The following TAFA1 variants were observed in gnomAD, a reference collection of about 807,000 sequenced individuals.
TAFA1 encodes chemokine-like protein TAFA-1.
TAFA1 carries 4 observed loss-of-function variants against 18.5 expected under a neutral mutation model. The ratio of observed to expected loss-of-function variants is 0.22; its 90% CI spans 0.11 to 0.49. The LOEUF (loss-of-function observed/expected upper bound fraction) is 0.49. TAFA1 is among the 20% of genes least tolerant of loss of function. The pLI, the probability that TAFA1 is intolerant of heterozygous loss-of-function variation, is 0.98. For missense variants in TAFA1, 147 were observed against 169.0 expected (o/e 0.87, Z 0.72); for synonymous variants, 56 against 55.2 (o/e 1.01, Z -0.06).
At chr3:68,213,993 A>G (rs1164321516) in intron 2 of TAFA1, among the ~76,000 whole-genome samples, 2 of 152,122 alleles carry the variant, frequency 1.3e-5, no homozygotes, top group Non-Finnish European at 2.9e-5. Flanking sequence ...AGTAGGCAAT[A>G]TGGTTCCCAA....
intron 2 of TAFA1, among the ~76,000 whole-genome samples, chr3:68,306,927 T>C (rs1251654851): frequency 6.6e-6 from 1 of 152,180 alleles, no homozygotes; most frequent in Non-Finnish European, 1.5e-5. Flanking sequence ...CTATAAACTT[T>C]TACTAAAATT....
intron 2 of TAFA1, among the ~76,000 whole-genome samples, chr3:68,015,407 C>A (rs1328069479): frequency 6.6e-6 from 1 of 152,082 alleles, no homozygotes; most frequent in Admixed American, 6.5e-5. Context: ...CTGCCTTAGC[C>A]TCCTGAGTAG....
chr3:67,998,110 C>A, the TAFA1 span, among the ~76,000 whole-genome samples: 1 of 150,952 alleles, frequency 6.6e-6, no homozygotes, highest in Non-Finnish European at 1.5e-5. Context: ...ACAACAGCAC[C>A]AAATAGGCAT....
chr3:68,248,749 C>T (rs1240966062), intron 2 of TAFA1, among the ~76,000 whole-genome samples: 2 of 1,132 alleles, frequency 1.8e-3, no homozygotes, highest in East Asian at 0.033. Flanking sequence ...GGGGCGGGGG[C>T]TGGGGGTGGG....
the TAFA1 span, among the ~76,000 whole-genome samples, chr3:67,993,179 G>C: frequency 6.6e-6 from 1 of 152,238 alleles, no homozygotes; most frequent in Admixed American, 6.5e-5. Context: ...TAGTAGGCTT[G>C]ATACTTCATA....
At chr3:68,305,447 A>C (rs1177092828) in intron 2 of TAFA1, among the ~76,000 whole-genome samples, 1 of 117,274 alleles carries the variant, frequency 8.5e-6, no homozygotes, top group East Asian at 2.5e-4. Flanking sequence ...ATATATATAT[A>C]TATATATATA....
At chr3:68,346,473 T>C (rs1398147539) in intron 2 of TAFA1, among the ~76,000 whole-genome samples, 1 of 152,194 alleles carries the variant, frequency 6.6e-6, no homozygotes, top group Non-Finnish European at 1.5e-5. Context: ...GATGTGCTTA[T>C]CTGGCATTTT....
intron 2 of TAFA1, among the ~76,000 whole-genome samples, chr3:68,260,038 A>G (rs2067382436): frequency 6.6e-6 from 1 of 152,148 alleles, no homozygotes; most frequent in Non-Finnish European, 1.5e-5. Flanking sequence ...GAATGCTTCC[A>G]GTTTTTGCCC....
At chr3:67,999,552 C>A (rs1704261747), upstream of TAFA1, among the ~76,000 whole-genome samples, 1 of 151,906 alleles carries the variant, frequency 6.6e-6, no homozygotes, top group African/African-American at 2.4e-5. Flanking sequence ...CATCTGTAGA[C>A]TTTTTTTATT....
intron 2 of TAFA1, among the ~76,000 whole-genome samples, chr3:68,155,239 T>C (rs994110075): frequency 6.6e-6 from 1 of 152,164 alleles, no homozygotes; most frequent in Non-Finnish European, 1.5e-5. Flanking sequence ...TACATCACTC[T>C]GCAGTGCCTG....
chr3:68,276,225 G>A (rs930528175), intron 2 of TAFA1, among the ~76,000 whole-genome samples: 4 of 151,542 alleles, frequency 2.6e-5, no homozygotes, highest in African/African-American at 7.3e-5. Context: ...TAAATAACAA[G>A]AAAAGAAAAA....
chr3:68,033,687 T>C (rs572580158), intron 2 of TAFA1, among the ~76,000 whole-genome samples: 3 of 152,204 alleles, frequency 2.0e-5, no homozygotes, highest in Non-Finnish European at 2.9e-5. Context: ...AATTAGCATA[T>C]GAAGTATTTT....
intron 2 of TAFA1, among the ~76,000 whole-genome samples, chr3:68,072,246 C>A (rs562422541): frequency 6.6e-6 from 1 of 152,126 alleles, no homozygotes. Context: ...GTGGCCTCTG[C>A]GGCAGAGCAG....
At chr3:68,482,738 A>G (rs778925835) in intron 3 of TAFA1, among the ~76,000 whole-genome samples, 1 of 152,186 alleles carries the variant, frequency 6.6e-6, no homozygotes, top group Non-Finnish European at 1.5e-5. Flanking sequence ...AATTTAAACA[A>G]CACATTCTTG....
intron 3 of TAFA1, among the ~76,000 whole-genome samples, chr3:68,429,286 C>G (rs1423559890): frequency 1.3e-5 from 2 of 151,952 alleles, no homozygotes; most frequent in African/African-American, 4.8e-5. Context: ...TTTGTAGTTA[C>G]TGAGTTCTTA....
intron 2 of TAFA1, among the ~76,000 whole-genome samples, chr3:68,247,160 T>A (rs1007079385): frequency 3.9e-5 from 6 of 152,242 alleles, no homozygotes; most frequent in African/African-American, 1.2e-4. Flanking sequence ...AAGATGAGTG[T>A]GATTAGAAAC....
chr3:68,034,789 T>TC (rs1705010637), intron 2 of TAFA1, among the ~76,000 whole-genome samples: 1 of 152,164 alleles, frequency 6.6e-6, no homozygotes, highest in Non-Finnish European at 1.5e-5. Flanking sequence ...GGACAGGAAT[T>TC]CTGAGATGAA....
chr3:68,176,100 A>G (rs1162229175), intron 2 of TAFA1, among the ~76,000 whole-genome samples: 2 of 152,176 alleles, frequency 1.3e-5, no homozygotes, highest in African/African-American at 4.8e-5. Flanking sequence ...AGCCATGTGG[A>G]ACTGTACATT....
chr3:68,245,555 G>A (rs2067061418), intron 2 of TAFA1, among the ~76,000 whole-genome samples: 1 of 152,200 alleles, frequency 6.6e-6, no homozygotes, highest in Admixed American at 6.5e-5. Context: ...AGGGTCACCT[G>A]ATACCATATG....
Sources: allele counts gnomAD v4.1 joint callset (sites outside exome capture counted in the v4.1 genomes callset), GRCh38; gene constraint gnomAD v4.1.1; transcripts MANE v1.5; gene names NCBI Gene and HGNC (gene_info 2026-07-23, HGNC 2026-07-21).